The following CTNNA3 variants were observed in gnomAD, a reference collection of about 807,000 sequenced individuals.
The protein encoded by CTNNA3 is catenin alpha-3.
In CTNNA3, 76 loss-of-function variants were observed where a neutral mutation model predicts 95.7. That is an observed-to-expected ratio of 0.79 (90% CI 0.66 to 0.96). The LOEUF is 0.96. CTNNA3 is among the 40% of genes least tolerant of loss of function. CTNNA3 has a pLI of 0.00. For synonymous variants in CTNNA3, 431 were observed against 374.4 expected (o/e 1.15, Z -1.74); for missense variants, 1,191 against 1,089.8 (o/e 1.09, Z -1.31).
intron 1 of CTNNA3, among the ~76,000 whole-genome samples, chr10:67,730,492 A>G (rs1470913343): frequency 6.6e-6 from 1 of 152,178 alleles, no homozygotes; most frequent in Non-Finnish European, 1.5e-5. Context: ...GCTGGGGTAC[A>G]CGCTTCTCTA....
chr10:67,726,638 T>C (rs1173035559), intron 1 of CTNNA3, among the ~76,000 whole-genome samples: 2 of 68,772 alleles, frequency 2.9e-5, no homozygotes, highest in South Asian at 1.0e-3. Flanking sequence ...ATATTATATA[T>C]AATATATACT....
intron 16 of CTNNA3, among the ~76,000 whole-genome samples, chr10:65,980,749 T>C (rs2078303748): frequency 6.6e-6 from 1 of 151,918 alleles, no homozygotes; most frequent in South Asian, 2.1e-4. Context: ...TATTACATGA[T>C]CATCTCAATA....
intron 5 of CTNNA3, among the ~76,000 whole-genome samples, chr10:67,249,981 G>A (rs1866043576): frequency 6.6e-6 from 1 of 152,194 alleles, no homozygotes; most frequent in Non-Finnish European, 1.5e-5. Context: ...CATTATTGGA[G>A]GACCTGCTGT....
intron 10 of CTNNA3, among the ~76,000 whole-genome samples, chr10:66,529,711 G>A (rs1841399983): frequency 6.6e-6 from 1 of 152,002 alleles, no homozygotes. Flanking sequence ...GATTTGTATT[G>A]TTTTTCATCC....
rs571290220 is a variant in CTNNA3 at position 66,558,552 on chromosome 10, C to T, written c.1375-37779G>A. ...CTAGGTATCACATATTGCATAAATTCCTACATGGAAATAAAGGCCAAAATG... is the reference window on the plus strand; with the variant it reads ...CTAGGTATCACATATTGCATAAATTTCTACATGGAAATAAAGGCCAAAATG... On this transcript the variant is annotated intron_variant, in intron 10 of 17. Coordinates refer to ENST00000433211, the MANE Select transcript of CTNNA3 (RefSeq NM_013266.4). 2.0e-3 allele frequency among the ~76,000 whole-genome samples: 307 copies of T among 152,120 alleles called. 1 individual carries two copies. The highest frequency in any genetic ancestry group is 6.8e-3 in the Middle Eastern group (2 of 294).
intron 7 of CTNNA3, chr10:67,097,697 AC>A: frequency 6.2e-7 from 1 of 1,612,772 alleles, no homozygotes; most frequent in South Asian, 1.1e-5. Context: ...AAACGAATGC[AC>A]AGGAAGATAC....
At chr10:66,606,355 T>A (rs1052229646) in intron 10 of CTNNA3, among the ~76,000 whole-genome samples, 3 of 151,952 alleles carry the variant, frequency 2.0e-5, no homozygotes, top group Non-Finnish European at 4.4e-5. Flanking sequence ...CAGTATTAGA[T>A]CATTGAGGCA....
intron 6 of CTNNA3, among the ~76,000 whole-genome samples, chr10:67,202,861 T>C (rs1863711211): frequency 6.6e-6 from 1 of 152,130 alleles, no homozygotes; most frequent in South Asian, 2.1e-4. Context: ...AAGGGAACTC[T>C]GGACATATCT....
chr10:67,426,602 A>G (rs1308470756), intron 5 of CTNNA3, among the ~76,000 whole-genome samples: 3 of 152,062 alleles, frequency 2.0e-5, no homozygotes, highest in Non-Finnish European at 2.9e-5. Context: ...TGGGAATTGA[A>G]CAATGAGAAC....
chr10:67,453,026 T>C (rs910437084), intron 5 of CTNNA3, among the ~76,000 whole-genome samples: 2 of 152,170 alleles, frequency 1.3e-5, no homozygotes, highest in African/African-American at 4.8e-5. Context: ...TTTTTGACAC[T>C]TACCTAGTGG....
intron 7 of CTNNA3, among the ~76,000 whole-genome samples, chr10:67,074,178 AC>A (rs1197867916): frequency 2.0e-5 from 3 of 150,622 alleles, no homozygotes; most frequent in Admixed American, 6.6e-5. Context: ...GACTATAGGC[AC>A]GTGCCACCAT....
intron 15 of CTNNA3, among the ~76,000 whole-genome samples, chr10:66,008,276 T>G (rs2078936932): frequency 2.0e-5 from 3 of 152,194 alleles, no homozygotes; most frequent in Non-Finnish European, 4.4e-5. Context: ...CCTTTGCAGC[T>G]TTCAGGAGGA....
At chr10:66,063,660 G>A (rs1171926147) in intron 15 of CTNNA3, among the ~76,000 whole-genome samples, 1 of 151,606 alleles carries the variant, frequency 6.6e-6, no homozygotes, top group African/African-American at 2.4e-5. Context: ...GATATTATTG[G>A]TATGATTTAT....
chr10:67,014,871 T>C (rs1440732038), intron 7 of CTNNA3, among the ~76,000 whole-genome samples: 1 of 152,080 alleles, frequency 6.6e-6, no homozygotes, highest in African/African-American at 2.4e-5. Context: ...TATACATACA[T>C]AAGCCTTAAT....
At chr10:67,290,856 A>C (rs991812570) in intron 5 of CTNNA3, among the ~76,000 whole-genome samples, 1 of 152,196 alleles carries the variant, frequency 6.6e-6, no homozygotes, top group African/African-American at 2.4e-5. Flanking sequence ...GCAGCTATAC[A>C]TCCTAAAATA....
intron 12 of CTNNA3, among the ~76,000 whole-genome samples, chr10:66,318,236 T>C (rs1292730037): frequency 1.3e-5 from 2 of 150,576 alleles, no homozygotes; most frequent in Non-Finnish European, 3.0e-5. Flanking sequence ...CTGAGTAAGA[T>C]CATTTGCAGG....
chr10:66,037,432 A>T (rs1383406547), intron 15 of CTNNA3, among the ~76,000 whole-genome samples: 1 of 152,314 alleles, frequency 6.6e-6, no homozygotes, highest in East Asian at 1.9e-4. Context: ...AGCTGTTGCC[A>T]AGCTTCTCAT....
chr10:66,884,296 T>C (rs906742635), intron 7 of CTNNA3, among the ~76,000 whole-genome samples: 1 of 152,138 alleles, frequency 6.6e-6, no homozygotes, highest in Non-Finnish European at 1.5e-5. Flanking sequence ...CATCAATTAT[T>C]TGATGCACCT....
rs139431539 is a variant in CTNNA3 at position 66,406,268 on chromosome 10, A to G, written c.1532-26916T>C. On this transcript the variant is annotated intron_variant, in intron 11 of 17. Coordinates refer to ENST00000433211, the MANE Select transcript of CTNNA3 (RefSeq NM_013266.4). ...ACATAACTCAGTGGTTTGATGAAGA[A>G]GTGATGATTGAGATTCTTTCATCTC... Among the ~76,000 whole-genome samples, 183 of 152,284 alleles carry G rather than the reference A, an allele frequency of 1.2e-3. 2 individuals carry two copies. The highest frequency in any genetic ancestry group is 4.0e-3 in the African/African-American group (166 of 41,574).
Sources: gnomAD v4.1 joint callset for allele counts (sites outside exome capture counted in the v4.1 genomes callset) on GRCh38, gnomAD v4.1.1 for gene constraint, MANE v1.5 for transcripts, NCBI Gene and HGNC (gene_info 2026-07-23, HGNC 2026-07-21) for gene names.